GFRA2: variants seen among roughly 807,000 people sequenced by gnomAD.
GFRA2 encodes the protein GDNF family receptor alpha 2.
In GFRA2, 17 loss-of-function variants were observed where a neutral mutation model predicts 48.3. The observed-to-expected ratio is 0.35, with a 90% CI of 0.24 to 0.53. GFRA2 has a LOEUF of 0.53. Ranked by LOEUF, GFRA2 falls within the 20% of genes least tolerant of loss-of-function variation. The pLI is 0.93. For missense variants in GFRA2, 660 were observed against 637.3 expected (o/e 1.04, Z -0.38); for synonymous variants, 305 against 257.2 (o/e 1.19, Z -1.78).
At chr8:21,739,464 G>A (rs751174900) in intron 4 of GFRA2, among the ~76,000 whole-genome samples, 1 of 152,134 alleles carries the variant, frequency 6.6e-6, no homozygotes, top group Non-Finnish European at 1.5e-5. Context: ...CCTAATCCAG[G>A]ACCCCTTCCC....
chr8:21,770,727 T>C (rs1382129219), intron 3 of GFRA2, among the ~76,000 whole-genome samples: 3 of 151,240 alleles, frequency 2.0e-5, no homozygotes, highest in Admixed American at 6.5e-5. Context: ...CCTTTAGGCA[T>C]GGGCCCAGTG....
At chr8:21,697,272 A>G (rs573382778) in intron 7 of GFRA2, among the ~76,000 whole-genome samples, 124 of 149,270 alleles carry the variant, frequency 8.3e-4, no homozygotes, top group African/African-American at 2.9e-3. Context: ...GGGAGGGGAC[A>G]GAGGAACAGA....
At chr8:21,723,073 AC>A (rs910566728) in intron 4 of GFRA2, among the ~76,000 whole-genome samples, 1 of 152,154 alleles carries the variant, frequency 6.6e-6, no homozygotes, top group African/African-American at 2.4e-5. Context: ...GAGCATCAGG[AC>A]CCGGGTGCTT....
At chr8:21,811,943 T>G (rs957543202) in intron 1 of GFRA2, among the ~76,000 whole-genome samples, 1 of 152,172 alleles carries the variant, frequency 6.6e-6, no homozygotes, top group East Asian at 1.9e-4. Flanking sequence ...GTGTCTATAG[T>G]TCTGTGCCCT....
intron 4 of GFRA2, among the ~76,000 whole-genome samples, chr8:21,723,547 G>T (rs1368871562): frequency 6.6e-6 from 1 of 152,210 alleles, no homozygotes. Flanking sequence ...CTGGATAAAT[G>T]AACAGAAGCC....
In GFRA2 at chr8:21,797,287, C is replaced by CTTTT. The variant is rs1159867192; in HGVS notation, c.-36+7726_-36+7729dup. ...TCTTTCTTTTTTTTTCCTTTCTTTG[C>CTTTT]TTTTTTTTTTTTTTTTTTTTTTTGA... On this transcript the variant is annotated intron_variant, in intron 2 of 10. Coordinates refer to the GFRA2 transcript ENST00000517328. 1.5e-3 allele frequency among the ~76,000 whole-genome samples: 132 copies of CTTTT among 85,636 alleles called. 1 individual carries two copies. Among genetic ancestry groups the CTTTT allele is most frequent in the East Asian group, 2.1e-3 (5 of 2,432 alleles). 56.2% of individuals were successfully genotyped at this position (85,636 alleles called of 152,430 possible).
intron 3 of GFRA2, among the ~76,000 whole-genome samples, chr8:21,768,676 AG>A: frequency 6.6e-6 from 1 of 152,192 alleles, no homozygotes; most frequent in Admixed American, 6.5e-5. Flanking sequence ...GCCCCCACCA[AG>A]GCCACAGGGG....
intron 1 of GFRA2, among the ~76,000 whole-genome samples, chr8:21,787,422 G>A (rs1050929714): frequency 6.6e-6 from 1 of 152,306 alleles, no homozygotes; most frequent in East Asian, 1.9e-4. Context: ...CCCAGAGGTG[G>A]AGGAGGGAAG....
chr8:21,703,490 T>G (rs1802586140), intron 6 of GFRA2, among the ~76,000 whole-genome samples: 1 of 152,006 alleles, frequency 6.6e-6, no homozygotes, highest in Non-Finnish European at 1.5e-5. Context: ...CCTCTGCTCC[T>G]CCCACACCAT....
intron 4 of GFRA2, among the ~76,000 whole-genome samples, chr8:21,726,178 C>A (rs576001394): frequency 6.6e-6 from 1 of 152,216 alleles, no homozygotes; most frequent in African/African-American, 2.4e-5. Flanking sequence ...CTGGCACCCA[C>A]GCACTTCCTA....
At chr8:21,758,611 G>A (rs1015578409) in intron 3 of GFRA2, among the ~76,000 whole-genome samples, 10 of 152,096 alleles carry the variant, frequency 6.6e-5, no homozygotes, top group African/African-American at 2.2e-4. Flanking sequence ...GCTTCTCCAA[G>A]CTGAAGAAGA....
chr8:21,738,765 C>A (rs1804608199), intron 4 of GFRA2, among the ~76,000 whole-genome samples: 2 of 152,206 alleles, frequency 1.3e-5, no homozygotes, highest in Non-Finnish European at 2.9e-5. Context: ...AACAACCCCA[C>A]CAAGCCTGTG....
At chr8:21,769,501 A>C (rs1178230327) in intron 3 of GFRA2, among the ~76,000 whole-genome samples, 1 of 152,144 alleles carries the variant, frequency 6.6e-6, no homozygotes, top group Admixed American at 6.5e-5. Context: ...GGACTGCTCC[A>C]CCTTACAGAT....
chr8:21,746,632 G>A (rs1805019157), intron 4 of GFRA2, among the ~76,000 whole-genome samples: 1 of 151,992 alleles, frequency 6.6e-6, no homozygotes, highest in Non-Finnish European at 1.5e-5. Flanking sequence ...AAGCTCATCT[G>A]CTTGGCTCAG....
intron 4 of GFRA2, among the ~76,000 whole-genome samples, chr8:21,707,103 T>C (rs776354487): frequency 2.6e-5 from 4 of 152,156 alleles, no homozygotes; most frequent in Non-Finnish European, 5.9e-5. Context: ...TAGCTAGTAA[T>C]AAGGTCTGTT....
intron 3 of GFRA2, among the ~76,000 whole-genome samples, chr8:21,760,378 A>C (rs973528045): frequency 6.6e-6 from 1 of 152,154 alleles, no homozygotes; most frequent in Non-Finnish European, 1.5e-5. Flanking sequence ...GTGACTGCAG[A>C]GAGGGCAAAA....
chr8:21,770,092 C>G (rs1404342254), intron 3 of GFRA2, among the ~76,000 whole-genome samples: 1 of 152,214 alleles, frequency 6.6e-6, no homozygotes, highest in East Asian at 1.9e-4. Context: ...ATGGCCGTCC[C>G]CACCCAAGAC....
intron 3 of GFRA2, among the ~76,000 whole-genome samples, chr8:21,754,533 A>T (rs1805467200): frequency 8.3e-6 from 1 of 120,678 alleles, no homozygotes; most frequent in African/African-American, 3.3e-5. Flanking sequence ...TTTGAGTCAG[A>T]GTTTTGCTCT....
chr8:21,790,725 G>A (rs1807554728), upstream of GFRA2, among the ~76,000 whole-genome samples: 2 of 152,218 alleles, frequency 1.3e-5, no homozygotes, highest in African/African-American at 4.8e-5. Flanking sequence ...AGGGATTGGA[G>A]TTGGGGAAAG....
Sources: allele counts gnomAD v4.1 joint callset (sites outside exome capture counted in the v4.1 genomes callset), GRCh38; gene constraint gnomAD v4.1.1; transcripts MANE v1.5; gene names NCBI Gene and HGNC (gene_info 2026-07-23, HGNC 2026-07-21).